The following SLC6A5 variants were observed in gnomAD, a reference collection of about 807,000 sequenced individuals.
The protein encoded by SLC6A5 is sodium- and chloride-dependent glycine transporter 2.
In SLC6A5, 58 loss-of-function variants were observed where a neutral mutation model predicts 90.5. The observed-to-expected ratio is 0.64, with a 90% CI of 0.52 to 0.80. The LOEUF is 0.80. Ranked by LOEUF, SLC6A5 falls within the 30% of genes least tolerant of loss-of-function variation. SLC6A5 has a pLI of 0.00. For missense variants in SLC6A5, 1,015 were observed against 1,017.6 expected (o/e 1.00, Z 0.03); for synonymous variants, 427 against 401.4 (o/e 1.06, Z -0.76).
At chr11:20,639,181 C>T (rs1565286194) in intron 13 of SLC6A5, among the ~76,000 whole-genome samples, 1 of 152,016 alleles carries the variant, frequency 6.6e-6, no homozygotes, top group Non-Finnish European at 1.5e-5. Context: ...CCATCTTTTC[C>T]CTTTGTGTGG....
At chr11:20,645,359 T>G (rs574569511) in intron 13 of SLC6A5, among the ~76,000 whole-genome samples, 1 of 151,856 alleles carries the variant, frequency 6.6e-6, no homozygotes, top group South Asian at 2.1e-4. Context: ...TCCAGGGAGA[T>G]GATGGCAGAA....
rs1805091 is a variant in SLC6A5 at position 20,626,834 on chromosome 11, G to A, written c.1387G>A (p.Asp463Asn). 0.26 allele frequency: 424,996 copies of A among 1,609,102 alleles called. 59,308 individuals carry two copies. The highest frequency in any genetic ancestry group is 0.29 in the Non-Finnish European group (340,601 of 1,175,430). ...CACACCCAAGTGGGAGAAACTCACG[G>A]ATGCCACGGTGGGCTTCTAATTTTA... ...FITPKWEKLT[D>N]ATVWKDAATQ... The change falls in exon 8 of 16, where the codon GAT becomes AAT. Residue 463 changes from aspartate (D) to asparagine (N), a missense_variant. Physicochemically the swap from Asp to Asn is conservative, Grantham distance 23. Transcript: ENST00000525748.
intron 13 of SLC6A5, among the ~76,000 whole-genome samples, chr11:20,639,130 TG>T (rs1291428714): frequency 6.6e-6 from 1 of 152,120 alleles, no homozygotes; most frequent in East Asian, 1.9e-4. Context: ...GCCATATCAG[TG>T]GGGCCATTAT....
chr11:20,599,637 A>G lies in SLC6A5; in HGVS notation c.-36A>G, dbSNP rs776484985. ...CCCAGTCTTGTCAATAGCGGGTTTCACCCTCCACCAGTTCAGTCTGTTGCC... is the reference window on the plus strand; with the variant it reads ...CCCAGTCTTGTCAATAGCGGGTTTCGCCCTCCACCAGTTCAGTCTGTTGCC... On this transcript the variant is annotated 5_prime_UTR_variant, in exon 1 of 16. Coordinates refer to ENST00000525748, the MANE Select transcript of SLC6A5 (RefSeq NM_004211.5). 8 of 1,613,936 alleles carry G rather than the reference A, an allele frequency of 5.0e-6. No individual in the cohort carries two copies. Among genetic ancestry groups the G allele is most frequent in the East Asian group, 2.2e-5 (1 of 44,868 alleles).
chr11:20,603,797 T>G (rs874681), intron 2 of SLC6A5, among the ~76,000 whole-genome samples: 1 of 152,068 alleles, frequency 6.6e-6, no homozygotes, highest in African/African-American at 2.4e-5. Flanking sequence ...AAGGAAGAAA[T>G]GGCTGAGGAG....
chr11:20,641,054 A>T (rs1200084832), intron 13 of SLC6A5, among the ~76,000 whole-genome samples: 1 of 152,242 alleles, frequency 6.6e-6, no homozygotes, highest in Non-Finnish European at 1.5e-5. Context: ...AACATGCCTC[A>T]ATGGCCAATA....
chr11:20,608,958 C>CTCTCTCTCTGTG (rs368771053), intron 5 of SLC6A5, among the ~76,000 whole-genome samples: 3 of 110,860 alleles, frequency 2.7e-5, no homozygotes, highest in African/African-American at 9.4e-5. Context: ...CTCTCTCTCT[C>CTCTCTCTCTGTG]TGTGTGTGTG....
chr11:20,625,810 A>G (rs1430309054), intron 7 of SLC6A5, among the ~76,000 whole-genome samples: 1 of 152,134 alleles, frequency 6.6e-6, no homozygotes, highest in Non-Finnish European at 1.5e-5. Flanking sequence ...GCACTTGTCC[A>G]GTTCAGTGTC....
chr11:20,600,649 G>T (rs148698300), intron 1 of SLC6A5, among the ~76,000 whole-genome samples: 22 of 152,148 alleles, frequency 1.4e-4, no homozygotes, highest in Non-Finnish European at 4.4e-5. Flanking sequence ...GGCCTCAAGC[G>T]CTCGCAGGTG....
In SLC6A5 at chr11:20,637,421, T is replaced by C. The variant is rs1347909488; in HGVS notation, c.1869+118T>C. 7 of 885,350 alleles carry C rather than the reference T, an allele frequency of 7.9e-6. No individual in the cohort carries two copies. In the African/African-American group the frequency reaches 8.2e-5, roughly 10 times the overall value. The allele number at this position is 885,350 out of a possible 1,614,324, so 54.8% of individuals were successfully genotyped here. Reference sequence around the variant, plus strand: ...ATAATCAAAGGCAAATCACTACCATTTCCATGTAGATGGCACCAGTTCATT... The same window carrying C: ...ATAATCAAAGGCAAATCACTACCATCTCCATGTAGATGGCACCAGTTCATT... On this transcript the variant is annotated intron_variant, in intron 12 of 15. Transcript: ENST00000525748.
chr11:20,626,609 G>A, intron 7 of SLC6A5, 99 bp from the exon 8 acceptor site: 1 of 1,344,296 alleles, frequency 7.4e-7, no homozygotes, highest in Non-Finnish European at 1.1e-6. Context: ...TGTGCTCTCT[G>A]TCATGCGCAG....
chr11:20,602,188 C>T (rs1852493374), intron 2 of SLC6A5, among the ~76,000 whole-genome samples: 1 of 152,176 alleles, frequency 6.6e-6, no homozygotes, highest in African/African-American at 2.4e-5. Flanking sequence ...TTACCTGAGG[C>T]TACTGAAGCT....
rs766483394 is a variant in SLC6A5 at position 20,601,367 on chromosome 11, A to G, written c.242A>G (p.Lys81Arg). Residue 81 changes from lysine (K) to arginine (R), a missense_variant, in exon 2 of 16, where the codon AAA (lysine) becomes AGA (arginine). Lys to Arg is a conservative substitution (Grantham distance 26). Around this residue, in one of 3 missense-constraint regions of SLC6A5, gnomAD observed 567 missense variants for 507.3 expected, o/e 1.12. Transcript: ENST00000525748. ...EAERPGVGSC[K>R]LSSPRAQAAS... is the part of the protein sequence containing the mutation. ...GAGCGGCCAGGAGTGGGGTCTTGCA[A>G]ACTCAGTAGCCCGCGGGCGCAGGCG... 1.2e-6 allele frequency: 2 copies of G among 1,602,844 alleles called. No individual in the cohort carries two copies. The highest frequency in any genetic ancestry group is 3.4e-5 in the Admixed American group (2 of 58,976).
At chr11:20,600,352 A>T (rs1852438484) in intron 1 of SLC6A5, among the ~76,000 whole-genome samples, 1 of 128,818 alleles carries the variant, frequency 7.8e-6, no homozygotes, top group African/African-American at 2.9e-5. Flanking sequence ...GAAGAAGAAG[A>T]AGAAGAAGAA....
At chr11:20,625,623 C>T (rs1417786096) in intron 7 of SLC6A5, among the ~76,000 whole-genome samples, 1 of 152,202 alleles carries the variant, frequency 6.6e-6, no homozygotes, top group Non-Finnish European at 1.5e-5. Context: ...TACCCTTTTG[C>T]TGGCATTCAA....
intron 15 of SLC6A5, among the ~76,000 whole-genome samples, chr11:20,654,219 T>G (rs1853596195): frequency 1.3e-5 from 2 of 152,210 alleles, no homozygotes; most frequent in Admixed American, 6.5e-5. Flanking sequence ...GGTTGGATTT[T>G]TTTTTTCCTC....
At position 20,599,678 on chromosome 11, in the gene SLC6A5, G is replaced by T. The variant is rs753096365; in HGVS notation, c.3+3G>T. The stretch of plus-strand genomic sequence containing the variant: ...GTCTGTTGCCTGTGTCAGACATGGT[G>T]AGTGTTTGCTTTTGTTCTTTCAAGA... On this transcript the variant is annotated splice_donor_region_variant and intron_variant, in intron 1 of 15. Coordinates refer to ENST00000525748, the MANE Select transcript of SLC6A5 (RefSeq NM_004211.5). The T allele has an allele frequency of 6.2e-7, 1 of 1,614,086 alleles. No individual in the cohort carries two copies. The highest frequency in any genetic ancestry group is 1.7e-5 in the Admixed American group (1 of 60,022).
At chr11:20,645,934 C>T (rs531894615) in intron 13 of SLC6A5, among the ~76,000 whole-genome samples, 3 of 152,188 alleles carry the variant, frequency 2.0e-5, no homozygotes, top group Admixed American at 6.5e-5. Flanking sequence ...CACGCCCGGC[C>T]AGAATGATGA....
rs758039444 is a variant in SLC6A5, at chr11:20,607,476, C to T, written c.812-3C>T. ...TGAACCCCTGGAATTTTTGCTTCTG[C>T]AGGCTGTGGCATCGCGATGCTGATC... is the stretch of plus-strand genomic sequence containing the variant. On this transcript the variant is annotated splice_polypyrimidine_tract_variant and splice_region_variant and intron_variant, in intron 4 of 15. Transcript: ENST00000525748. 3 of 1,614,142 alleles carry T rather than the reference C, an allele frequency of 1.9e-6. No individual in the cohort carries two copies. Among genetic ancestry groups the T allele is most frequent in the Non-Finnish European group, 1.7e-6 (2 of 1,180,000 alleles).
Sources: gnomAD v4.1 joint callset for allele counts (sites outside exome capture counted in the v4.1 genomes callset) on GRCh38, gnomAD v4.1.1 for gene constraint, gnomAD v4.1.1 regional missense constraint, MANE v1.5 for transcripts, NCBI Gene and HGNC (gene_info 2026-07-23, HGNC 2026-07-21) for gene names.